The following PSG6 variants were observed in gnomAD, a reference collection of about 807,000 sequenced individuals.
PSG6 encodes the protein pregnancy-specific beta-1-glycoprotein 6.
In PSG6, 51 loss-of-function variants were observed where a neutral mutation model predicts 43.3. That is an observed-to-expected ratio of 1.18 (90% confidence interval 0.94 to 1.49). The LOEUF (loss-of-function observed/expected upper bound fraction) is 1.49. PSG6 is among the 40% of genes most tolerant of loss of function. The probability of loss-of-function intolerance (pLI) is 0.00; values close to 1 mark genes in which losing one functional copy is unlikely to be tolerated. For missense variants in PSG6, 770 were observed against 522.2 expected (o/e 1.47, Z -4.62); for synonymous variants, 292 against 197.6 (o/e 1.48, Z -4.01).
intron 4 of PSG6, among the ~76,000 whole-genome samples, 178 bp from the exon 5 acceptor site, chr19:42,907,354 C>A (rs918596945): frequency 2.6e-5 from 4 of 151,934 alleles, no homozygotes; most frequent in East Asian, 1.9e-4. Flanking sequence ...TCATTACAAG[C>A]TGTGGGCCCC....
intron 5 of PSG6, among the ~76,000 whole-genome samples, chr19:42,905,419 A>G (rs1348761577): frequency 1.3e-5 from 2 of 151,724 alleles, no homozygotes; most frequent in Non-Finnish European, 2.9e-5. Context: ...GCAACACTAA[A>G]CAACAGGTGT....
At chr19:42,916,096 A>G (rs200802998) in intron 2 of PSG6, 29 bp downstream of exon 2, 1 of 1,607,614 alleles carries the variant, frequency 6.2e-7, no homozygotes, top group Non-Finnish European at 8.5e-7. Flanking sequence ...CTGCCCCCCA[A>G]CACCCAGGGA....
chr19:42,908,860 T>G lies in PSG6; in HGVS notation c.707-1006A>C, dbSNP rs572793630. On this transcript the variant is annotated intron_variant, in intron 3 of 5. Coordinates refer to ENST00000187910, the MANE Select transcript of PSG6 (RefSeq NM_001031850.4). Reference sequence around the variant, plus strand: ...GGACCTCATGTAAGTTGATTCCAGATTGAATATGAGACGAGGCTGCTGGAA... The same window carrying G: ...GGACCTCATGTAAGTTGATTCCAGAGTGAATATGAGACGAGGCTGCTGGAA... 4.7e-4 allele frequency among the ~76,000 whole-genome samples: 72 copies of G among 151,762 alleles called. 2 individuals carry two copies. The highest frequency in any genetic ancestry group is 1.6e-3 in the African/African-American group (67 of 41,388).
At chr19:42,912,747 A>G in intron 2 of PSG6, among the ~76,000 whole-genome samples, 1 of 151,706 alleles carries the variant, frequency 6.6e-6, no homozygotes, top group East Asian at 1.9e-4. Flanking sequence ...TGAATTAGGA[A>G]GAGTCTAAGT....
chr19:42,908,209 G>A lies in PSG6; in HGVS notation c.707-355C>T, dbSNP rs529941609. On this transcript the variant is annotated intron_variant, in intron 3 of 5. Coordinates refer to ENST00000187910, the MANE Select transcript of PSG6 (RefSeq NM_001031850.4). Reference sequence around the variant, plus strand: ...CTTACCTGGAATGTGCAACTGCTGGGCCCCTTCCAAATTACATCCTACTTT... The same window carrying A: ...CTTACCTGGAATGTGCAACTGCTGGACCCCTTCCAAATTACATCCTACTTT... Among the ~76,000 whole-genome samples the A allele has an allele frequency of 1.3e-5, 2 of 151,680 alleles. 1 individual carries two copies. The highest frequency in any genetic ancestry group is 1.3e-4 in the Admixed American group (2 of 15,182).
chr19:42,906,860 C>T, intron 5 of PSG6, 62 bp downstream of exon 5: 1 of 1,610,962 alleles, frequency 6.2e-7, no homozygotes. Context: ...CCTGACTCTT[C>T]TCTGAAAGCC....
chr19:42,903,083 G>T (rs909011312), intron 5 of PSG6, among the ~76,000 whole-genome samples: 1 of 151,496 alleles, frequency 6.6e-6, no homozygotes, highest in Admixed American at 6.6e-5. Flanking sequence ...AACTTTCCTG[G>T]TGTCATATGG....
chr19:42,903,572 A>G (rs1289637553), intron 5 of PSG6: 2 of 1,413,870 alleles, frequency 1.4e-6, no homozygotes, highest in African/African-American at 3.0e-5. Context: ...AAAAAAAGAG[A>G]AAAGATAAAA....
intron 5 of PSG6, 125 bp from the exon 6 acceptor site, chr19:42,902,571 A>G (rs1341346407): frequency 3.0e-6 from 4 of 1,327,306 alleles, no homozygotes; most frequent in Non-Finnish European, 3.1e-6. Flanking sequence ...GGCTCTCTTT[A>G]ACTCCAATGG....
chr19:42,916,644 GTGTGTGTGTA>G (rs928620009), intron 1 of PSG6, among the ~76,000 whole-genome samples, 157 bp from the exon 2 acceptor site: 2 of 150,948 alleles, frequency 1.3e-5, no homozygotes, highest in Admixed American at 6.6e-5. Context: ...ATGTGTGTTT[GTGTGTGTGTA>G]TGTGTGTGTG....
rs531913269 is a variant in PSG6 at position 42,903,776 on chromosome 19, C to A, written c.1241-1330G>T. 2.2e-5 allele frequency: 32 copies of A among 1,481,226 alleles called. 1 individual carries two copies. The East Asian group carries it at 7.0e-4, about 33-fold the overall frequency. 91.8% of individuals were successfully genotyped at this position (1,481,226 alleles called of 1,614,324 possible). A position where few individuals can be genotyped will look rare whatever the true frequency, so the allele number is the denominator to read the frequency against. Reference sequence around the variant, plus strand: ...GGCATGTTGACATGCACCTGTAGTCCTAGCATCTTGGGAGGCTGAAGAAGG... The same window carrying A: ...GGCATGTTGACATGCACCTGTAGTCATAGCATCTTGGGAGGCTGAAGAAGG... On this transcript the variant is annotated intron_variant, in intron 5 of 5. Transcript: ENST00000187910.
intron 3 of PSG6, chr19:42,909,937 T>G (rs1440949894): frequency 1.2e-5 from 2 of 160,670 alleles, no homozygotes; most frequent in Non-Finnish European, 2.8e-5. Context: ...ATGATCCTCT[T>G]GATTATGAGA....
intron 2 of PSG6, among the ~76,000 whole-genome samples, chr19:42,911,481 GC>G (rs1390040519): frequency 6.6e-6 from 1 of 151,508 alleles, no homozygotes. Context: ...ACTGAGTTGA[GC>G]CAATGACTCT....
In PSG6 at chr19:42,917,114, A is replaced by C. The variant is rs150539501; in HGVS notation, c.64+615T>G. 5.9e-5 allele frequency among the ~76,000 whole-genome samples: 9 copies of C among 151,308 alleles called. 1 individual carries two copies. In the South Asian group the frequency reaches 1.7e-3, roughly 29 times the overall value. On this transcript the variant is annotated intron_variant, in intron 1 of 5. Transcript: ENST00000187910. ...AATTGTTGAGGTTTTTTGCTGAGGA[A>C]AGTGTTTCATGCCCTGGTTACATTT...
rs138067306 is a variant in PSG6, at chr19:42,917,868, G to C, written c.-76C>G. The C allele has an allele frequency of 3.1e-3, 4,756 of 1,516,676 alleles. 200 individuals carry two copies. The African/African-American group carries it at 0.058, about 19-fold the overall frequency. 94.0% of individuals were successfully genotyped at this position (1,516,676 alleles called of 1,614,324 possible). A position where few individuals can be genotyped will look rare whatever the true frequency, so the allele number is the denominator to read the frequency against. ...GAGACTTCCTGAGCAGGGCTGTCAG[G>C]TGTGCTGTCCTTCCTCCTTCTGTGC... On this transcript the variant is annotated 5_prime_UTR_variant, in exon 1 of 6. Coordinates refer to ENST00000187910, the MANE Select transcript of PSG6 (RefSeq NM_001031850.4).
Position 42,911,337 on chromosome 19 carries a change from T to C in PSG6, c.428-479A>G, listed in dbSNP as rs1212928763. 2.1e-4 allele frequency among the ~76,000 whole-genome samples: 32 copies of C among 151,648 alleles called. 1 individual carries two copies. Among genetic ancestry groups the C allele is most frequent in the East Asian group, 3.9e-4 (2 of 5,166 alleles). ...CCATTGTCCTTAAGCCCTTTGGGTA[T>C]TAGAAAGCCTGGCCTGGAACTGGGT... is the stretch of plus-strand genomic sequence containing the variant. On this transcript the variant is annotated intron_variant, in intron 2 of 5. Transcript: ENST00000187910.
At chr19:42,912,796 C>G (rs146455719) in intron 2 of PSG6, among the ~76,000 whole-genome samples, 1 of 151,562 alleles carries the variant, frequency 6.6e-6, no homozygotes, top group East Asian at 1.9e-4. Flanking sequence ...ACACGAAGAA[C>G]TCCAACTTAT....
chr19:42,909,244 G>A (rs183146808), intron 3 of PSG6, among the ~76,000 whole-genome samples: 2 of 151,456 alleles, frequency 1.3e-5, no homozygotes, highest in African/African-American at 4.8e-5. Flanking sequence ...TTGGTGATTA[G>A]TTTTCGGTGA....
chr19:42,917,858 G>C lies in PSG6; in HGVS notation c.-66C>G, dbSNP rs896830496. 4.9e-5 allele frequency: 76 copies of C among 1,559,002 alleles called. 2 individuals carry two copies. In the African/African-American group the frequency reaches 5.5e-4, roughly 11 times the overall value. ...CTAGGATCCAGAGACTTCCTGAGCA[G>C]GGCTGTCAGGTGTGCTGTCCTTCCT... On this transcript the variant is annotated 5_prime_UTR_variant, in exon 1 of 6. Coordinates refer to ENST00000187910, the MANE Select transcript of PSG6 (RefSeq NM_001031850.4).
Sources: gnomAD v4.1 joint callset for allele counts (sites outside exome capture counted in the v4.1 genomes callset) on GRCh38, gnomAD v4.1.1 for gene constraint, MANE v1.5 for transcripts, NCBI Gene and HGNC (gene_info 2026-07-23, HGNC 2026-07-21) for gene names.